Variants in ZNF81 observed in about 807,000 individuals in gnomAD.
The protein encoded by ZNF81 is zinc finger protein 81 (HFZ20).
Under a neutral mutation model 32.3 loss-of-function variants are expected in ZNF81, and 5 were observed. The observed-to-expected ratio is 0.15, with a 90% CI of 0.08 to 0.33. ZNF81 has a LOEUF of 0.33. ZNF81 is among the 10% of genes least tolerant of loss of function. The probability of loss-of-function intolerance (pLI) is 1.00; values close to 1 mark genes in which losing one functional copy is unlikely to be tolerated. For missense variants in ZNF81, 379 were observed against 479.8 expected, an observed-to-expected ratio of 0.79 and a Z score of 1.96; for synonymous variants, 163 against 166.8, an observed-to-expected ratio of 0.98 and a Z score of 0.17.
intron 2 of ZNF81, among the ~76,000 whole-genome samples, chrX:47,862,523 C>CA (rs5902400): frequency 8.9e-4 from 68 of 76,605 alleles, no homozygotes; most frequent in Middle Eastern, 7.6e-3. Context: ...GACTCCGTCT[C>CA]AAAAAAAAAA....
At chrX:47,868,593 T>G (rs2058568646) in intron 2 of ZNF81, among the ~76,000 whole-genome samples, 1 of 111,521 alleles carries the variant, frequency 9.0e-6, no homozygotes, top group African/African-American at 3.3e-5. Context: ...CTTTAAAATA[T>G]CTTACATGAT....
chrX:47,858,452 A>C (rs2058526119), intron 2 of ZNF81, among the ~76,000 whole-genome samples: 1 of 111,889 alleles, frequency 8.9e-6, no homozygotes, highest in Non-Finnish European at 1.9e-5. Context: ...GATGGAGACC[A>C]TGCCTCCTTT....
Position 47,919,948 on chromosome X carries a change from C to G in ZNF81, c.*3316C>G, listed in dbSNP as rs1556891641. 8.9e-6 allele frequency: 1 copy of G among 112,015 alleles called. No individual in the cohort carries two copies. The highest frequency in any genetic ancestry group is 3.2e-5 in the African/African-American group (1 of 30,786). The allele number at this position is 112,015 out of a possible 1,213,427, so 9.2% of individuals were successfully genotyped here. ...AGGTCTGTTGTTGTCTTCTCTTGCT[C>G]TTTTGCATCTAATAATTTTTGGCTG... is the stretch of plus-strand genomic sequence containing the variant. On this transcript the variant is annotated 3_prime_UTR_variant, in exon 5 of 5. Transcript: ENST00000338637.
rs141986422 is a variant in ZNF81, at chrX:47,876,547, C to T, written c.55-11452C>T. Among the ~76,000 whole-genome samples, 793 of 112,058 alleles carry T rather than the reference C, an allele frequency of 7.1e-3. 6 individuals carry two copies. Among genetic ancestry groups the T allele is most frequent in the African/African-American group, 0.024 (752 of 30,851 alleles). The stretch of plus-strand genomic sequence containing the variant: ...AGACGTGTCCAGGTCAAGAGCAGTC[C>T]GGGCCTTGCTGTGTAGTCATACCCA... On this transcript the variant is annotated intron_variant, in intron 2 of 4. Coordinates refer to ENST00000338637, the MANE Select transcript of ZNF81 (RefSeq NM_007137.5).
chrX:47,909,315 C>T (rs782721258), intron 4 of ZNF81, among the ~76,000 whole-genome samples: 1 of 111,717 alleles, frequency 9.0e-6, no homozygotes, highest in South Asian at 3.7e-4. Flanking sequence ...TCCCCCCTTT[C>T]TAGTATCTGC....
chrX:47,882,445 T>C (rs1352750976), intron 2 of ZNF81, among the ~76,000 whole-genome samples: 4 of 112,163 alleles, frequency 3.6e-5, no homozygotes, highest in Non-Finnish European at 7.5e-5. Context: ...TCCAGGTTGT[T>C]GTGTCTATCC....
intron 4 of ZNF81, among the ~76,000 whole-genome samples, chrX:47,900,662 A>T (rs1556887845): frequency 1.8e-5 from 2 of 111,407 alleles, no homozygotes; most frequent in Non-Finnish European, 1.9e-5. Flanking sequence ...GTATTCTGTT[A>T]TATTGTTCTG....
intron 4 of ZNF81, among the ~76,000 whole-genome samples, chrX:47,896,200 C>T (rs1232936610): frequency 9.0e-6 from 1 of 111,416 alleles, no homozygotes; most frequent in African/African-American, 3.3e-5. Flanking sequence ...TGCCAGTCTT[C>T]CTCACTAGCG....
Position 47,924,365 on chromosome X carries a change from T to C in ZNF81, c.*7733T>C, listed in dbSNP as rs1250687953. 8.9e-6 allele frequency among the ~76,000 whole-genome samples: 1 copy of C among 112,369 alleles called. No individual in the cohort carries two copies. The highest frequency in any genetic ancestry group is 3.7e-4 in the South Asian group (1 of 2,736). On this transcript the variant is annotated 3_prime_UTR_variant, in exon 5 of 5. Coordinates refer to ENST00000338637, the MANE Select transcript of ZNF81 (RefSeq NM_007137.5). ...TGTGCCTTTCTGCCATATGATTCTTTTTTTATTCTTGAAGTTAAGGATCTA... is the reference window on the plus strand; with the variant it reads ...TGTGCCTTTCTGCCATATGATTCTTCTTTTATTCTTGAAGTTAAGGATCTA...
intron 4 of ZNF81, among the ~76,000 whole-genome samples, chrX:47,911,816 A>G (rs2058740347): frequency 8.9e-6 from 1 of 111,968 alleles, no homozygotes; most frequent in African/African-American, 3.3e-5. Context: ...TAATTAGATT[A>G]GTTTTCTAAG....
intron 4 of ZNF81, among the ~76,000 whole-genome samples, chrX:47,898,610 C>T (rs1215947554): frequency 1.8e-5 from 2 of 111,568 alleles, no homozygotes; most frequent in Non-Finnish European, 3.8e-5. Flanking sequence ...TACAAAAAAG[C>T]CTACTGGGAT....
chrX:47,846,305 A>G lies in ZNF81; in HGVS notation c.38A>G (p.His13Arg), dbSNP rs1569372552. Residue 13 changes from histidine (H) to arginine (R), a missense_variant, in exon 2 of 5, where the codon CAT (histidine) becomes CGT (arginine). This residue lies in a region of ZNF81 where 277 missense variants were observed against 306.6 expected (regional missense o/e 0.90). Coordinates refer to ENST00000338637, the MANE Select transcript of ZNF81 (RefSeq NM_007137.5). ...GAGGACGCTCCCCAGCCAGGGGAAC[A>G]TGGCAGTGCCTGTGAGGTGAGGAGG... is the stretch of plus-strand genomic sequence containing the variant. ...ANEDAPQPGEHGSACEVSVSF... is the reference protein window; with the variant it reads ...ANEDAPQPGERGSACEVSVSF... 2 of 1,209,707 alleles carry G rather than the reference A, an allele frequency of 1.7e-6. No homozygotes were observed. Among genetic ancestry groups the G allele is most frequent in the African/African-American group, 1.7e-5 (1 of 57,908 alleles).
intron 2 of ZNF81, among the ~76,000 whole-genome samples, chrX:47,883,314 T>C (rs1479998647): frequency 8.9e-6 from 1 of 112,272 alleles, no homozygotes; most frequent in African/African-American, 3.2e-5. Flanking sequence ...GTGTTTTGTA[T>C]ATGTATTGTA....
chrX:47,839,000 G>C (rs2058436074), intron 1 of ZNF81, among the ~76,000 whole-genome samples: 2 of 111,185 alleles, frequency 1.8e-5, no homozygotes, highest in South Asian at 7.6e-4. Context: ...GCCCAGGCTG[G>C]TCTCAATCTC....
intron 2 of ZNF81, among the ~76,000 whole-genome samples, chrX:47,872,698 T>C (rs1556884045): frequency 1.8e-5 from 2 of 111,926 alleles, no homozygotes; most frequent in East Asian, 5.6e-4. Flanking sequence ...ATATAGTGGT[T>C]GTCCGTCTTC....
intron 4 of ZNF81, among the ~76,000 whole-genome samples, chrX:47,897,042 G>A (rs2058682117): frequency 1.8e-5 from 2 of 112,000 alleles, no homozygotes; most frequent in African/African-American, 6.5e-5. Flanking sequence ...GAACATTCTC[G>A]TATGTCTTTG....
chrX:47,868,363 G>A (rs781876348), intron 2 of ZNF81, among the ~76,000 whole-genome samples: 1 of 111,121 alleles, frequency 9.0e-6, no homozygotes, highest in African/African-American at 3.3e-5. Flanking sequence ...GTCTCTTCTG[G>A]TATAGTCATA....
At position 47,846,702 on chromosome X, in the gene ZNF81, T is replaced by C. The variant is rs2058472359; in HGVS notation, c.54+381T>C. 2.7e-5 allele frequency among the ~76,000 whole-genome samples: 3 copies of C among 111,947 alleles called. No individual in the cohort carries two copies. The South Asian group carries it at 1.1e-3, about 41-fold the overall frequency. ...TTAAAGAAAAAAAAAAGCTCTTCCA[T>C]GCTTTGTTTTCCACCAGATTCCAGC... On this transcript the variant is annotated intron_variant, in intron 2 of 4. Transcript: ENST00000338637.
chrX:47,877,935 C>T lies in ZNF81; in HGVS notation c.55-10064C>T, dbSNP rs144300393. Among the ~76,000 whole-genome samples the T allele has an allele frequency of 6.1e-3, 677 of 111,390 alleles. 5 individuals carry two copies. The highest frequency in any genetic ancestry group is 0.021 in the African/African-American group (655 of 30,664). The stretch of plus-strand genomic sequence containing the variant: ...TCATCTGTGATTTCCCACAAGAGTT[C>T]GTCTCAGGCAGCTTACCAAGAGGGC... On this transcript the variant is annotated intron_variant, in intron 2 of 4. Transcript: ENST00000338637.
Sources: allele counts gnomAD v4.1 joint callset (sites outside exome capture counted in the v4.1 genomes callset), GRCh38; gene constraint gnomAD v4.1.1; regional missense constraint gnomAD v4.1.1; transcripts MANE v1.5; gene names NCBI Gene and HGNC (gene_info 2026-07-23, HGNC 2026-07-21).